The following MTA1 variants were observed in gnomAD, a reference collection of about 807,000 sequenced individuals.
The protein encoded by MTA1 is metastasis-associated protein MTA1.
Under a neutral mutation model 97.0 loss-of-function variants are expected in MTA1, and 15 were observed. That is an observed-to-expected ratio of 0.15 (90% CI 0.10 to 0.24). MTA1 has a LOEUF of 0.24. Among genes scored for constraint, MTA1 ranks in the 10% least tolerant of loss-of-function variants. The probability of loss-of-function intolerance (pLI) is 1.00; values close to 1 mark genes in which losing one functional copy is unlikely to be tolerated. For synonymous variants in MTA1, 435 were observed against 417.5 expected (o/e 1.04, Z -0.51); for missense variants, 709 against 1,015.1 (o/e 0.70, Z 4.10).
At chr14:105,453,200 CT>C (rs1555429098) in intron 6 of MTA1, among the ~76,000 whole-genome samples, 2 of 152,278 alleles carry the variant, frequency 1.3e-5, no homozygotes, top group Non-Finnish European at 2.9e-5. Flanking sequence ...AGGGCCGCGC[CT>C]GCTGCGCGGG....
intron 2 of MTA1, among the ~76,000 whole-genome samples, chr14:105,444,998 G>A (rs1268589731): frequency 1.3e-5 from 2 of 152,162 alleles, no homozygotes; most frequent in Non-Finnish European, 2.9e-5. Context: ...CATGCGGGGG[G>A]TCCAGGCTGC....
chr14:105,466,214 G>A lies in MTA1; in HGVS notation c.1625-212G>A. The A allele has an allele frequency of 5.0e-6, 3 of 594,154 alleles. No homozygotes were observed. The South Asian group carries it at 5.9e-5, about 12-fold the overall frequency. The allele number at this position is 594,154 out of a possible 1,614,324, so 36.8% of individuals were successfully genotyped here. A position where few individuals can be genotyped will look rare whatever the true frequency, so the allele number is the denominator to read the frequency against. On this transcript the variant is annotated intron_variant, in intron 16 of 20. Transcript: ENST00000331320. ...CTGGAAGCCCTGGGGTGCGGGACTG[G>A]CCCGGGCACACGCCTTGCCGAGGGC...
rs1394009034 is a variant in MTA1 at position 105,426,325 on chromosome 14, G to C, written c.28+6262G>C. ...GCCCATGGATGTTGCAGTGAGCCGA[G>C]ATCACGCCACTGCACTCCAGCCTGG... On this transcript the variant is annotated intron_variant, in intron 1 of 20. Transcript: ENST00000331320. Among the ~76,000 whole-genome samples, 6 of 133,692 alleles carry C rather than the reference G, an allele frequency of 4.5e-5. No homozygotes were observed. The Admixed American group carries it at 4.7e-4, about 10-fold the overall frequency. 87.7% of individuals were successfully genotyped at this position (133,692 alleles called of 152,430 possible).
chr14:105,429,341 G>A (rs587712642), intron 1 of MTA1, among the ~76,000 whole-genome samples: 27 of 151,066 alleles, frequency 1.8e-4, no homozygotes, highest in East Asian at 3.9e-4. Flanking sequence ...GCTGGAGTGC[G>A]GTGGCACGAT....
At chr14:105,438,107 T>G (rs1469254956) in intron 1 of MTA1, among the ~76,000 whole-genome samples, 1 of 152,182 alleles carries the variant, frequency 6.6e-6, no homozygotes, top group East Asian at 1.9e-4. Flanking sequence ...TCTGTCCTGT[T>G]TTTGAGCCTG....
rs2081952991 is a variant in MTA1 at position 105,424,542 on chromosome 14, C to A, written c.28+4479C>A. On this transcript the variant is annotated intron_variant, in intron 1 of 20. Transcript: ENST00000331320. The surrounding 1 kb of genome is among the most constrained non-coding windows in gnomAD (Gnocchi z 4.0). Reference sequence around the variant, plus strand: ...AGACAGTCTCACTCTGTCACCCAGGCTGGAGTGCAGTGGCACAATCGCGGC... The same window carrying A: ...AGACAGTCTCACTCTGTCACCCAGGATGGAGTGCAGTGGCACAATCGCGGC... Among the ~76,000 whole-genome samples the A allele has an allele frequency of 6.6e-6, 1 of 150,882 alleles. No homozygotes were observed. The highest frequency in any genetic ancestry group is 6.6e-5 in the Admixed American group (1 of 15,144).
At chr14:105,453,285 A>T (rs143770963) in intron 6 of MTA1, among the ~76,000 whole-genome samples, 25 of 152,402 alleles carry the variant, frequency 1.6e-4, no homozygotes, top group Middle Eastern at 3.4e-3. Flanking sequence ...GGTTGTGCCC[A>T]GAACTCCTGA....
rs587647855 is a variant in MTA1 at position 105,450,327 on chromosome 14, G to A, written c.432+3G>A. 5.6e-6 allele frequency: 9 copies of A among 1,601,124 alleles called. No homozygotes were observed. Among genetic ancestry groups the A allele is most frequent in the Middle Eastern group, 1.7e-4 (1 of 6,028 alleles). On this transcript the variant is annotated splice_donor_region_variant and intron_variant, in intron 6 of 20. Coordinates refer to ENST00000331320, the MANE Select transcript of MTA1 (RefSeq NM_004689.4). ...TCAAGTCCTACCTGGAGCGGGAGGT[G>A]AGGCCCAGCCCGGCCTGGTCTGCCG...
chr14:105,429,656 T>C (rs1194854756), intron 1 of MTA1, among the ~76,000 whole-genome samples: 1 of 151,212 alleles, frequency 6.6e-6, no homozygotes, highest in Non-Finnish European at 1.5e-5. Context: ...GGTTTCACCA[T>C]GTTAGCCAGG....
rs1231189019 is a variant in MTA1, at chr14:105,420,288, G to C, written c.28+225G>C. ...GGGCGGGGCTCGGCGGCCCGGGGGTGGGGGGCGGCCCACCTGTTGGGGCCG... is the reference window on the plus strand; with the variant it reads ...GGGCGGGGCTCGGCGGCCCGGGGGTCGGGGGCGGCCCACCTGTTGGGGCCG... On this transcript the variant is annotated intron_variant, in intron 1 of 20. Transcript: ENST00000331320. This position sits in a 1 kb window ranked among gnomAD's most constrained non-coding sequence, Gnocchi z 5.3. Among the ~76,000 whole-genome samples, 1 of 149,742 alleles carries C rather than the reference G, an allele frequency of 6.7e-6. No homozygotes were observed. The highest frequency in any genetic ancestry group is 2.4e-5 in the African/African-American group (1 of 41,154).
rs1171264983 is a variant in MTA1, at chr14:105,422,027, T to C, written c.28+1964T>C. ...GAGGAGCATGGGAGGTTGGGTGCTG[T>C]CTGCTGGCAGCACAGCCACGCGTGG... On this transcript the variant is annotated intron_variant, in intron 1 of 20. Transcript: ENST00000331320. This position sits in a 1 kb window ranked among gnomAD's most constrained non-coding sequence, Gnocchi z 4.3. Among the ~76,000 whole-genome samples the C allele has an allele frequency of 6.6e-6, 1 of 152,200 alleles. No individual in the cohort carries two copies. The highest frequency in any genetic ancestry group is 1.5e-5 in the Non-Finnish European group (1 of 68,030).
intron 18 of MTA1, chr14:105,467,177 G>T (rs1349279999): frequency 1.4e-5 from 5 of 362,636 alleles, no homozygotes; most frequent in Non-Finnish European, 2.7e-5. Flanking sequence ...TGTACACATG[G>T]GTGCCTTCTG....
intron 2 of MTA1, among the ~76,000 whole-genome samples, 154 bp downstream of exon 2, chr14:105,438,893 C>G (rs1318061465): frequency 5.9e-5 from 9 of 152,216 alleles, no homozygotes; most frequent in African/African-American, 2.2e-4. Context: ...CCACTGTCAC[C>G]TGCACCGTGG....
intron 1 of MTA1, among the ~76,000 whole-genome samples, chr14:105,425,464 C>T (rs888259527): frequency 3.3e-5 from 5 of 152,046 alleles, no homozygotes; most frequent in Middle Eastern, 3.2e-3. Context: ...TTTATAGAGG[C>T]GGAGTCTCAC....
Position 105,424,759 on chromosome 14 carries a change from G to T in MTA1, c.28+4696G>T, listed in dbSNP as rs1257790065. On this transcript the variant is annotated intron_variant, in intron 1 of 20. Coordinates refer to ENST00000331320, the MANE Select transcript of MTA1 (RefSeq NM_004689.4). This position sits in a 1 kb window ranked among gnomAD's most constrained non-coding sequence, Gnocchi z 4.0. ...GATCCACCCGCCTCGGCCTCCCAAA[G>T]TGCTGGGATTACAGGCGTGAGCCAC... Among the ~76,000 whole-genome samples, 8 of 152,310 alleles carry T rather than the reference G, an allele frequency of 5.3e-5. No homozygotes were observed. The highest frequency in any genetic ancestry group is 2.1e-4 in the South Asian group (1 of 4,828).
rs2082684627 is a variant in MTA1 at position 105,445,438 on chromosome 14, G to A, written c.117G>A (p.Glu39=). 1.9e-6 allele frequency: 3 copies of A among 1,613,726 alleles called. No homozygotes were observed. The highest frequency in any genetic ancestry group is 8.5e-7 in the Non-Finnish European group (1 of 1,179,992). ...ELNKTANGNV[E]AKVVCFYRRR... is the part of the protein sequence containing the mutation. Reference sequence around the variant, plus strand: ...TACAGACGGCCAATGGGAACGTGGAGGCCAAAGTGGTGTGCTTCTACCGGA... The same window carrying A: ...TACAGACGGCCAATGGGAACGTGGAAGCCAAAGTGGTGTGCTTCTACCGGA... The change falls in exon 3 of 21, where the codon GAG becomes GAA. Residue 39 remains glutamate (E), a synonymous_variant. Coordinates refer to ENST00000331320, the MANE Select transcript of MTA1 (RefSeq NM_004689.4).
intron 2 of MTA1, among the ~76,000 whole-genome samples, chr14:105,441,601 T>C (rs970085357): frequency 1.3e-5 from 2 of 152,204 alleles, no homozygotes; most frequent in African/African-American, 4.8e-5. Flanking sequence ...GAGACCATCC[T>C]GGCTAATACG....
chr14:105,444,461 G>A (rs58324264), intron 2 of MTA1, among the ~76,000 whole-genome samples: 12,195 of 152,202 alleles, frequency 0.08, 1,131 homozygotes, highest in African/African-American at 0.23. Flanking sequence ...CTGCATTCTA[G>A]TCTGGGCAAC....
At chr14:105,467,133 G>A (rs1321598997) in intron 18 of MTA1, 8 of 384,954 alleles carry the variant, frequency 2.1e-5, no homozygotes, top group Non-Finnish European at 3.4e-5. Flanking sequence ...GAGGGTGGTC[G>A]GGGGTGTCTG....
Sources: gnomAD v4.1 joint callset for allele counts (sites outside exome capture counted in the v4.1 genomes callset) on GRCh38, gnomAD v4.1.1 for gene constraint, Gnocchi (gnomAD v3.1) non-coding constraint, MANE v1.5 for transcripts, NCBI Gene and HGNC (gene_info 2026-07-23, HGNC 2026-07-21) for gene names.